CP: variants seen among roughly 807,000 people sequenced by gnomAD.
CP encodes ceruloplasmin.
In CP, 64 loss-of-function variants were observed where a neutral mutation model predicts 122.4. That is an observed-to-expected ratio of 0.52 (90% CI 0.43 to 0.64). The LOEUF is 0.64. Among genes scored for constraint, CP ranks in the 30% least tolerant of loss-of-function variants. CP has a pLI of 0.00. For missense variants in CP, 1,167 were observed against 1,284.4 expected, an observed-to-expected ratio of 0.91 and a Z score of 1.40; for synonymous variants, 440 against 436.4, an observed-to-expected ratio of 1.01 and a Z score of -0.10.
intron 2 of CP, among the ~76,000 whole-genome samples, chr3:149,212,056 G>C (rs557751485): frequency 6.6e-6 from 1 of 152,128 alleles, no homozygotes; most frequent in Non-Finnish European, 1.5e-5. Flanking sequence ...CACTTTGGGA[G>C]GCTGAGGCGG....
chr3:149,187,321 A>G (rs1424184889), intron 10 of CP, among the ~76,000 whole-genome samples: 5 of 152,220 alleles, frequency 3.3e-5, no homozygotes, highest in African/African-American at 1.2e-4. Flanking sequence ...AAAAAAAATC[A>G]GTTTGTAACA....
Position 149,173,070 on chromosome 3 carries a change from G to A in CP, c.*644C>T, listed in dbSNP as rs1413596721. On this transcript the variant is annotated 3_prime_UTR_variant, in exon 19 of 19. Transcript: ENST00000264613. ...AAGGCTGGGCAGAAATTCTACTCAT[G>A]TGACATCTGCCACAGGTCTATTTTG... 3 of 152,378 alleles carry A rather than the reference G, an allele frequency of 2.0e-5. No homozygotes were observed. The highest frequency in any genetic ancestry group is 4.4e-5 in the Non-Finnish European group (3 of 68,020). 9.4% of individuals were successfully genotyped at this position (152,378 alleles called of 1,614,324 possible). A position where few individuals can be genotyped will look rare whatever the true frequency, so the allele number is the denominator to read the frequency against.
intron 11 of CP, 64 bp downstream of exon 11, chr3:149,186,456 A>G: frequency 6.8e-7 from 1 of 1,462,110 alleles, no homozygotes; most frequent in Non-Finnish European, 9.6e-7. Context: ...ACATTCTGCT[A>G]CAGGATTTTA....
Position 149,212,475 on chromosome 3 carries a change from T to C in CP, c.370A>G (p.Ile124Val). Reference sequence around the variant, plus strand: ...CCCTCATGTTCCTTATAGTAAGTTATTCCATGTGAATGAAAGGTGTAGGGC... The same window carrying C: ...CCCTCATGTTCCTTATAGTAAGTTACTCCATGTGAATGAAAGGTGTAGGGC... ...SRPYTFHSHGITYYKEHEGAI... is the reference protein window; with the variant it reads ...SRPYTFHSHGVTYYKEHEGAI... Residue 124 changes from isoleucine (I) to valine (V), a missense_variant, in exon 2 of 19, where the codon ATA (isoleucine) becomes GTA (valine). Coordinates refer to ENST00000264613, the MANE Select transcript of CP (RefSeq NM_000096.4). 1 of 1,614,042 alleles carries C rather than the reference T, an allele frequency of 6.2e-7. No individual in the cohort carries two copies. Among genetic ancestry groups the C allele is most frequent in the Non-Finnish European group, 8.5e-7 (1 of 1,179,958 alleles).
At chr3:149,205,751 A>C (rs1727669990) in intron 6 of CP, among the ~76,000 whole-genome samples, 1 of 152,156 alleles carries the variant, frequency 6.6e-6, no homozygotes, top group Admixed American at 6.5e-5. Flanking sequence ...GAGTGGAAGA[A>C]GGTTGTTATT....
At chr3:149,193,876 C>T (rs1268449328) in intron 9 of CP, among the ~76,000 whole-genome samples, 1 of 152,186 alleles carries the variant, frequency 6.6e-6, no homozygotes, top group Non-Finnish European at 1.5e-5. Context: ...TAATCTGTAG[C>T]CACATGGCTA....
chr3:149,185,691 C>A (rs1178330886), intron 11 of CP, among the ~76,000 whole-genome samples: 5 of 152,174 alleles, frequency 3.3e-5, no homozygotes, highest in African/African-American at 1.2e-4. Flanking sequence ...TCATGGTTCA[C>A]ACCCTCATTT....
intron 7 of CP, among the ~76,000 whole-genome samples, chr3:149,201,412 C>T (rs543384457): frequency 1.2e-4 from 19 of 152,258 alleles, no homozygotes; most frequent in African/African-American, 4.1e-4. Context: ...TGAGCCACCA[C>T]GCCTGGCCCT....
Position 149,206,295 on chromosome 3 carries a change from A to G in CP, c.1081T>C (p.Ser361Pro), listed in dbSNP as rs746538757. The change falls in exon 6 of 19, where the codon TCA becomes CCA. Residue 361 changes from serine (S) to proline (P), a missense_variant. Ser to Pro is a moderately conservative substitution (Grantham distance 74). Transcript: ENST00000264613. ...FFQVQECNKS[S>P]SKDNIRGKHV... Reference sequence around the variant, plus strand: ...TTCCCACGGATATTATCCTTTGATGAAGACTTGTTACACTCCTGGACCTGG... The same window carrying G: ...TTCCCACGGATATTATCCTTTGATGGAGACTTGTTACACTCCTGGACCTGG... 4.3e-6 allele frequency: 7 copies of G among 1,613,860 alleles called. No homozygotes were observed. The highest frequency in any genetic ancestry group is 4.0e-5 in the African/African-American group (3 of 74,920).
chr3:149,211,136 A>G (rs35191080), intron 2 of CP, among the ~76,000 whole-genome samples: 3,392 of 152,322 alleles, frequency 0.022, 60 homozygotes, highest in Middle Eastern at 0.044. Context: ...AAACAACAAC[A>G]AAAACAAAAA....
chr3:149,220,573 T>C (rs938047385), intron 1 of CP, among the ~76,000 whole-genome samples: 5 of 152,118 alleles, frequency 3.3e-5, no homozygotes, highest in Admixed American at 2.6e-4. Flanking sequence ...TTGTATATTA[T>C]TAAATTCATA....
intron 1 of CP, among the ~76,000 whole-genome samples, chr3:149,217,531 T>C (rs1162798020): frequency 6.6e-6 from 1 of 152,172 alleles, no homozygotes; most frequent in African/African-American, 2.4e-5. Context: ...ATCTATTTCT[T>C]AGTCTGAGAA....
At chr3:149,209,734 T>C (rs1727981423) in intron 3 of CP, among the ~76,000 whole-genome samples, 2 of 152,188 alleles carry the variant, frequency 1.3e-5, no homozygotes, top group African/African-American at 2.4e-5. Flanking sequence ...CAAGTTAGAA[T>C]TGTATTTCAG....
intron 14 of CP, 169 bp from the exon 15 acceptor site, chr3:149,179,831 G>T: frequency 1.7e-6 from 1 of 586,248 alleles, no homozygotes; most frequent in Non-Finnish European, 3.0e-6. Context: ...ATTGTTTTCA[G>T]GAATTTAGTT....
intron 13 of CP, among the ~76,000 whole-genome samples, chr3:149,182,905 C>G (rs1419200259): frequency 6.6e-6 from 1 of 152,092 alleles, no homozygotes; most frequent in East Asian, 1.9e-4. Context: ...AATCCCAGCA[C>G]TTTGGAAGGC....
Position 149,202,128 on chromosome 3 carries a change from G to T in CP, c.1322C>A (p.Pro441His), listed in dbSNP as rs1383754686. The T allele has an allele frequency of 6.2e-7, 1 of 1,613,892 alleles. No individual in the cohort carries two copies. The highest frequency in any genetic ancestry group is 8.5e-7 in the Non-Finnish European group (1 of 1,179,992). Residue 441 changes from proline (P) to histidine (H), a missense_variant, in exon 7 of 19, where the codon CCT becomes CAT. Physicochemically the swap from Pro to His is moderately conservative, Grantham distance 77 (BLOSUM62 -2). Around this residue, in one of 2 missense-constraint regions of CP, gnomAD observed 642 missense variants for 627.3 expected, o/e 1.02. Coordinates refer to ENST00000264613, the MANE Select transcript of CP (RefSeq NM_000096.4). ...CAGGATGCCAAGATGCTCTTCTTCAGGGCCTCTCTCCTTTCGATTTGTGAA... is the reference window on the plus strand; with the variant it reads ...CAGGATGCCAAGATGCTCTTCTTCATGGCCTCTCTCCTTTCGATTTGTGAA... ...ASFTNRKERG[P>H]EEEHLGILGP... is the part of the protein sequence containing the mutation.
chr3:149,185,591 T>TAGG lies in CP; in HGVS notation c.2078-146_2078-145insCCT, dbSNP rs56952775. On this transcript the variant is annotated intron_variant, in intron 11 of 18. Transcript: ENST00000264613. The stretch of plus-strand genomic sequence containing the variant: ...CCTTCTGCTCACCCTGCTCCATCCA[T>TAGG]CCTTTTGCTGTTCTTAGAGCAGATC... 0.026 allele frequency: 19,339 copies of TAGG among 747,096 alleles called. 1,215 individuals carry two copies. The highest frequency in any genetic ancestry group is 0.2 in the African/African-American group (11,272 of 56,630). The allele number at this position is 747,096 out of a possible 1,614,324, so 46.3% of individuals were successfully genotyped here.
intron 5 of CP, among the ~76,000 whole-genome samples, chr3:149,163,512 C>G (rs1420601752): frequency 6.6e-6 from 1 of 152,152 alleles, no homozygotes; most frequent in Admixed American, 6.5e-5. Flanking sequence ...GATATTTTGC[C>G]TTCTAAAGAA....
At position 149,188,490 on chromosome 3, in the gene CP, CAAAAAAAAAAAAA is replaced by C. The variant is rs60815739; in HGVS notation, c.1714-301_1714-289del. On this transcript the variant is annotated intron_variant, in intron 9 of 18. Coordinates refer to ENST00000264613, the MANE Select transcript of CP (RefSeq NM_000096.4). ...CATTGTGCATACCAATTGAAGCCTC[CAAAAAAAAAAAAA>C]AAAAAAAAAAAAAAAAGTTAAAATA... is the stretch of plus-strand genomic sequence containing the variant. Among the ~76,000 whole-genome samples the C allele has an allele frequency of 9.6e-3, 445 of 46,120 alleles. 2 individuals carry two copies. The highest frequency in any genetic ancestry group is 0.025 in the Middle Eastern group (1 of 40). 30.3% of individuals were successfully genotyped at this position (46,120 alleles called of 152,430 possible).
Sources: gnomAD v4.1 joint callset for allele counts (sites outside exome capture counted in the v4.1 genomes callset) on GRCh38, gnomAD v4.1.1 for gene constraint, gnomAD v4.1.1 regional missense constraint, MANE v1.5 for transcripts, NCBI Gene and HGNC (gene_info 2026-07-23, HGNC 2026-07-21) for gene names.